PSMA1: variants seen among roughly 807,000 people sequenced by gnomAD.
PSMA1 encodes proteasome 20S subunit alpha 1.
PSMA1 carries 3 observed loss-of-function variants against 38.4 expected under a neutral mutation model. The ratio of observed to expected loss-of-function variants is 0.08; its 90% CI spans 0.04 to 0.20. The LOEUF (loss-of-function observed/expected upper bound fraction) is 0.20, where lower values mean the gene tolerates loss of function less well. PSMA1 is among the 10% of genes least tolerant of loss of function. PSMA1 has a pLI of 1.00. For missense variants in PSMA1, 227 were observed against 325.3 expected (o/e 0.70, Z 2.32); for synonymous variants, 101 against 107.1 (o/e 0.94, Z 0.35).
At chr11:14,585,541 A>G (rs995783861) in intron 2 of PSMA1, among the ~76,000 whole-genome samples, 5 of 152,200 alleles carry the variant, frequency 3.3e-5, no homozygotes, top group Admixed American at 6.5e-5. Flanking sequence ...AGCTAAGCCT[A>G]TGTTCTCAGT....
At chr11:14,642,787 G>A (rs1265485690) in intron 1 of PSMA1, among the ~76,000 whole-genome samples, 1 of 152,134 alleles carries the variant, frequency 6.6e-6, no homozygotes, top group Non-Finnish European at 1.5e-5. Context: ...TCGCTTTCAG[G>A]TCTGTGTTTC....
chr11:14,624,857 A>C (rs946109129), intron 1 of PSMA1, among the ~76,000 whole-genome samples: 1 of 152,202 alleles, frequency 6.6e-6, no homozygotes, highest in African/African-American at 2.4e-5. Flanking sequence ...CCAAGAGCTC[A>C]GACCCATCAG....
intron 1 of PSMA1, among the ~76,000 whole-genome samples, chr11:14,631,835 T>G (rs1273778832): frequency 2.1e-4 from 32 of 151,498 alleles, no homozygotes; most frequent in African/African-American, 7.8e-4. Flanking sequence ...ACTTGCTTTA[T>G]GAATCTTGGT....
chr11:14,596,464 C>T (rs563486798), intron 2 of PSMA1, among the ~76,000 whole-genome samples: 2 of 152,260 alleles, frequency 1.3e-5, no homozygotes, highest in African/African-American at 4.8e-5. Context: ...CTTCACGTCC[C>T]TTGTAAGTTG....
At chr11:14,594,419 AG>A (rs758904198) in intron 2 of PSMA1, among the ~76,000 whole-genome samples, 7 of 151,976 alleles carry the variant, frequency 4.6e-5, no homozygotes, top group South Asian at 2.1e-4. Context: ...GGCACAGGGA[AG>A]GGGGGGGTTC....
chr11:14,517,584 G>C, intron 4 of PSMA1, 58 bp downstream of exon 4: 2 of 1,345,126 alleles, frequency 1.5e-6, no homozygotes, highest in Non-Finnish European at 2.0e-6. Flanking sequence ...GGATCTTTTT[G>C]AGAAAACTAA....
intron 2 of PSMA1, among the ~76,000 whole-genome samples, chr11:14,592,312 C>T (rs1326318740): frequency 6.6e-6 from 1 of 151,908 alleles, no homozygotes; most frequent in African/African-American, 2.4e-5. Context: ...CCCTTCTACC[C>T]GCTGGGGTCA....
chr11:14,608,854 G>A (rs1852675626), intron 2 of PSMA1, among the ~76,000 whole-genome samples: 1 of 151,762 alleles, frequency 6.6e-6, no homozygotes, highest in Non-Finnish European at 1.5e-5. Flanking sequence ...TCCCTTGCAA[G>A]TTAAGTCTAA....
At chr11:14,550,198 G>C (rs923224106) in intron 2 of PSMA1, among the ~76,000 whole-genome samples, 6 of 152,158 alleles carry the variant, frequency 3.9e-5, no homozygotes, top group Non-Finnish European at 5.9e-5. Flanking sequence ...CCTTGTGCAT[G>C]AGTTAGAGGC....
intron 2 of PSMA1, among the ~76,000 whole-genome samples, chr11:14,547,788 C>T (rs766290094): frequency 1.3e-5 from 2 of 152,072 alleles, no homozygotes; most frequent in Admixed American, 6.6e-5. Context: ...TGGAGGGAGG[C>T]AAAACAGGCA....
intron 2 of PSMA1, among the ~76,000 whole-genome samples, chr11:14,532,615 A>ATTTAAAAAAAATCT (rs1368642710): frequency 6.6e-6 from 1 of 150,520 alleles, no homozygotes; most frequent in African/African-American, 2.4e-5. Flanking sequence ...AAAAAAAAAA[A>ATTTAAAAAAAATCT]AAAAGGGGGA....
At chr11:14,508,561 C>CAGAAAAAAAAAA (rs764878252) in intron 8 of PSMA1, among the ~76,000 whole-genome samples, 2 of 47,120 alleles carry the variant, frequency 4.2e-5, no homozygotes, top group African/African-American at 1.7e-4. Context: ...CACTCCATCT[C>CAGAAAAAAAAAA]AAAAAAAAAA....
At chr11:14,540,406 T>C (rs930497525) in intron 2 of PSMA1, among the ~76,000 whole-genome samples, 1 of 152,298 alleles carries the variant, frequency 6.6e-6, no homozygotes, top group East Asian at 1.9e-4. Context: ...TCAGGAGAGA[T>C]ACGATATTGC....
At chr11:14,517,769 TAAAAAAAA>T in intron 3 of PSMA1, 24 bp from the exon 4 acceptor site, 1 of 1,320,148 alleles carries the variant, frequency 7.6e-7, no homozygotes, top group Non-Finnish European at 1.0e-6. Context: ...TTATAAGATG[TAAAAAAAA>T]AAAAAAAAGA....
chr11:14,597,412 C>T (rs921987542), intron 2 of PSMA1, among the ~76,000 whole-genome samples: 3 of 152,156 alleles, frequency 2.0e-5, no homozygotes, highest in African/African-American at 4.8e-5. Context: ...ATTATTGCCT[C>T]AATTTCAGAG....
At chr11:14,643,462 G>A (rs967692056) in exon 1 of PSMA1, 41 of 152,412 alleles carry the variant, frequency 2.7e-4, no homozygotes, top group African/African-American at 9.4e-4. Context: ...TACCCTCAAA[G>A]AGAACCTGCA....
chr11:14,609,498 A>C (rs1852683305), intron 2 of PSMA1, among the ~76,000 whole-genome samples: 1 of 152,232 alleles, frequency 6.6e-6, no homozygotes, highest in Non-Finnish European at 1.5e-5. Flanking sequence ...ATAAGGAGAA[A>C]AAAATAAAAG....
intron 1 of PSMA1, among the ~76,000 whole-genome samples, chr11:14,642,501 G>T (rs973008023): frequency 3.3e-5 from 5 of 152,170 alleles, no homozygotes; most frequent in Non-Finnish European, 5.9e-5. Context: ...CTTTTGCTAT[G>T]CATGTGAACT....
upstream of PSMA1, chr11:14,643,653 G>A (rs892488713): frequency 1.3e-5 from 2 of 149,038 alleles, no homozygotes; most frequent in African/African-American, 2.4e-5. Flanking sequence ...GTGGCGGCGG[G>A]ACAAGTCGTG....
Sources: gnomAD v4.1 joint callset for allele counts (sites outside exome capture counted in the v4.1 genomes callset) on GRCh38, gnomAD v4.1.1 for gene constraint, MANE v1.5 for transcripts, NCBI Gene and HGNC (gene_info 2026-07-23, HGNC 2026-07-21) for gene names.